MASP1: variants seen among roughly 807,000 people sequenced by gnomAD.
MASP1 encodes MBL associated serine protease 1, also known as mannan-binding lectin serine protease 1.
Under a neutral mutation model 77.1 loss-of-function variants are expected in MASP1, and 59 were observed. The observed-to-expected ratio is 0.77, with a 90% CI of 0.62 to 0.95. The LOEUF is 0.95. MASP1 is among the 40% of genes least tolerant of loss of function. MASP1 has a pLI of 0.00. For synonymous variants in MASP1, 362 were observed against 354.5 expected, an observed-to-expected ratio of 1.02 and a Z score of -0.24; for missense variants, 885 against 912.9, an observed-to-expected ratio of 0.97 and a Z score of 0.39.
At chr3:187,276,352 T>A (rs559776009) in intron 2 of MASP1, among the ~76,000 whole-genome samples, 34 of 152,380 alleles carry the variant, frequency 2.2e-4, no homozygotes, top group African/African-American at 7.9e-4. Context: ...TTCAGAGATT[T>A]CTATCTGTTC....
chr3:187,229,981 G>A, downstream of MASP1: 1 of 1,507,910 alleles, frequency 6.6e-7, no homozygotes, highest in Non-Finnish European at 9.1e-7. Flanking sequence ...TCCTCACCCT[G>A]TTAGGAACAT....
At chr3:187,229,645 G>T (rs906035592), downstream of MASP1, 15 of 1,383,604 alleles carry the variant, frequency 1.1e-5, no homozygotes, top group African/African-American at 1.6e-4. Context: ...CTACCGCACT[G>T]TGCTTCTGTG....
downstream of MASP1, chr3:187,229,804 A>C (rs769503905): frequency 4.3e-6 from 7 of 1,614,088 alleles, 1 homozygote; most frequent in South Asian, 5.5e-5. Flanking sequence ...CAGGTGTGAC[A>C]GCATGGCAAT....
chr3:187,239,837 C>T (rs781537791), intron 10 of MASP1, among the ~76,000 whole-genome samples: 3 of 152,186 alleles, frequency 2.0e-5, no homozygotes, highest in Non-Finnish European at 4.4e-5. Context: ...GTTCTTACCC[C>T]TTCATTCATA....
chr3:187,220,446 C>T (rs73191704), intron 15 of MASP1, among the ~76,000 whole-genome samples: 2 of 152,088 alleles, frequency 1.3e-5, no homozygotes, highest in East Asian at 3.9e-4. Context: ...TTCTAAAAAG[C>T]CCTGATTCAG....
intron 2 of MASP1, among the ~76,000 whole-genome samples, chr3:187,278,427 T>C (rs894295551): frequency 3.3e-5 from 5 of 152,180 alleles, no homozygotes; most frequent in Non-Finnish European, 5.9e-5. Flanking sequence ...TTCACCAAGG[T>C]TCCTCACTCA....
At chr3:187,277,857 C>T (rs1717086164) in intron 2 of MASP1, among the ~76,000 whole-genome samples, 1 of 152,200 alleles carries the variant, frequency 6.6e-6, no homozygotes, top group South Asian at 2.1e-4. Flanking sequence ...TAAATAACCT[C>T]CTGCTTTCGA....
intron 14 of MASP1, among the ~76,000 whole-genome samples, chr3:187,221,518 C>T (rs1712059211): frequency 6.6e-6 from 1 of 152,224 alleles, no homozygotes; most frequent in Non-Finnish European, 1.5e-5. Flanking sequence ...GGACCTAGAA[C>T]ATGTGGCTTA....
chr3:187,233,354 C>T (rs902996287), downstream of MASP1, among the ~76,000 whole-genome samples: 2 of 152,206 alleles, frequency 1.3e-5, no homozygotes, highest in African/African-American at 4.8e-5. Context: ...GCCCACTGCT[C>T]TCACTTTAAC....
Position 187,235,753 on chromosome 3 carries a change from A to G in MASP1, c.2118T>C (p.Asn706=), listed in dbSNP as rs1294977207. The G allele has an allele frequency of 6.2e-7, 1 of 1,614,008 alleles. No individual in the cohort carries two copies. The highest frequency in any genetic ancestry group is 1.3e-5 in the African/African-American group (1 of 74,888). The change falls in exon 11 of 11, where the codon AAT becomes AAC. Residue 706 remains asparagine (N), a synonymous_variant. Coordinates refer to ENST00000296280, the MANE Select transcript of MASP1 (RefSeq NM_139125.4). ...QVYGVYTKVS[N]YVDWVWEQMG... ...TCTGCTCCCACACCCAGTCCACGTAATTGGAGACCTTTGTGTAGACTCCAT... is the reference window on the plus strand; with the variant it reads ...TCTGCTCCCACACCCAGTCCACGTAGTTGGAGACCTTTGTGTAGACTCCAT...
intron 2 of MASP1, among the ~76,000 whole-genome samples, chr3:187,284,015 A>AC (rs897225721): frequency 2.0e-5 from 3 of 151,460 alleles, no homozygotes; most frequent in African/African-American, 7.3e-5. Flanking sequence ...CTCAGTGAAG[A>AC]CCCCCCTGGT....
At chr3:187,226,603 C>T (rs1579463390) in intron 11 of MASP1, 1 of 918,078 alleles carries the variant, frequency 1.1e-6, no homozygotes, top group Non-Finnish European at 1.8e-6. Context: ...CTTCAGGCTA[C>T]TCCAGAGGAC....
Position 187,256,718 on chromosome 3 carries a change from G to A in MASP1, c.690C>T (p.Asp230=). 1.2e-6 allele frequency: 2 copies of A among 1,613,970 alleles called. No individual in the cohort carries two copies. The highest frequency in any genetic ancestry group is 1.7e-6 in the Non-Finnish European group (2 of 1,180,002). Residue 230 remains aspartate (D), a synonymous_variant, in exon 5 of 11, where the codon GAC becomes GAT. Transcript: ENST00000296280. The part of the protein sequence containing the change: ...EGFMVNLQFE[D]IFDIEDHPEV... The stretch of plus-strand genomic sequence containing the variant: ...CAGGATGGTCCTCAATGTCAAATAT[G>A]TCCTCAAACTGCAGGTTGACCATGA...
chr3:187,246,183 T>G (rs931513425), intron 8 of MASP1, among the ~76,000 whole-genome samples: 1 of 152,222 alleles, frequency 6.6e-6, no homozygotes. Flanking sequence ...GCCTTTCTAA[T>G]TCTAACTGGG....
At chr3:187,282,147 C>T (rs528436084) in intron 2 of MASP1, among the ~76,000 whole-genome samples, 2 of 152,154 alleles carry the variant, frequency 1.3e-5, no homozygotes, top group Admixed American at 6.5e-5. Flanking sequence ...GCAAAACCAC[C>T]TTCAGCTAGA....
intron 4 of MASP1, among the ~76,000 whole-genome samples, chr3:187,259,249 G>A (rs1715358259): frequency 6.6e-6 from 1 of 152,062 alleles, no homozygotes; most frequent in Non-Finnish European, 1.5e-5. Context: ...CTGTAGTTCT[G>A]AAAAAGGGGT....
chr3:187,252,660 T>C (rs994374368), intron 6 of MASP1, among the ~76,000 whole-genome samples: 3 of 152,136 alleles, frequency 2.0e-5, no homozygotes, highest in African/African-American at 4.8e-5. Flanking sequence ...TTACTGCAGG[T>C]TGAATGGCTC....
chr3:187,289,935 A>G (rs1212155210), intron 1 of MASP1, among the ~76,000 whole-genome samples: 1 of 152,218 alleles, frequency 6.6e-6, no homozygotes, highest in Non-Finnish European at 1.5e-5. Flanking sequence ...AAACACTGAA[A>G]TACTGTATCC....
chr3:187,231,958 G>A (rs185235407), downstream of MASP1, among the ~76,000 whole-genome samples: 5 of 152,350 alleles, frequency 3.3e-5, no homozygotes, highest in East Asian at 7.7e-4. Context: ...TGGAGAGAGA[G>A]GAAGGAGGGA....
Sources: gnomAD v4.1 joint callset for allele counts (sites outside exome capture counted in the v4.1 genomes callset) on GRCh38, gnomAD v4.1.1 for gene constraint, MANE v1.5 for transcripts, NCBI Gene and HGNC (gene_info 2026-07-23, HGNC 2026-07-21) for gene names.